FBXL18: variants seen among roughly 807,000 people sequenced by gnomAD.
The protein encoded by FBXL18 is F-box/LRR-repeat protein 18.
Under a neutral mutation model 46.0 loss-of-function variants are expected in FBXL18, and 36 were observed. The observed-to-expected ratio is 0.78, with a 90% CI of 0.60 to 1.03. FBXL18 has a LOEUF of 1.03. Among genes scored for constraint, FBXL18 ranks in the 50% least tolerant of loss-of-function variants. The probability of loss-of-function intolerance (pLI) is 0.00; values close to 1 mark genes in which losing one functional copy is unlikely to be tolerated. For missense variants in FBXL18, 977 were observed against 1,004.1 expected (o/e 0.97, Z 0.36); for synonymous variants, 557 against 465.3 (o/e 1.20, Z -2.54).
intron 3 of FBXL18, chr7:5,495,800 C>T: frequency 2.1e-6 from 1 of 474,562 alleles, no homozygotes; most frequent in Non-Finnish European, 4.4e-6. Flanking sequence ...CCGCAGAAGG[C>T]AGGAATCCAG....
intron 3 of FBXL18, among the ~76,000 whole-genome samples, chr7:5,499,342 TGCTCTCTGAAACGACTGCTCTCTGAACC>T (rs1330130673): frequency 3.3e-4 from 1 of 3,026 alleles, no homozygotes; most frequent in African/African-American, 1.7e-3. Flanking sequence ...CTGAACCGAC[TGCTCTCTGAAACGACTGCTCTCTGAACC>T]GACTGCTCTC....
intron 4 of FBXL18, among the ~76,000 whole-genome samples, chr7:5,456,113 C>T (rs1783169463): frequency 6.6e-6 from 1 of 151,706 alleles, no homozygotes; most frequent in Admixed American, 6.6e-5. Flanking sequence ...CTCCTGCTCC[C>T]ACCTAACGTC....
At chr7:5,486,615 T>G (rs936301238) in intron 4 of FBXL18, among the ~76,000 whole-genome samples, 5 of 151,388 alleles carry the variant, frequency 3.3e-5, no homozygotes, top group African/African-American at 9.7e-5. Flanking sequence ...ATTGCACCAT[T>G]GCACTCCAGC....
chr7:5,481,911 G>T lies in FBXL18; in HGVS notation c.2021C>A (p.Ala674Glu), dbSNP rs199593972. Residue 674 changes from alanine (A) to glutamate (E), a missense_variant, in exon 5 of 5, where the codon GCG becomes GAG. Ala to Glu is a moderately radical substitution (Grantham distance 107). Coordinates refer to ENST00000382368, the MANE Select transcript of FBXL18 (RefSeq NM_024963.6). ...LLRSFQAERP[A>E]LNVVIFPLLH... ...CAGAGGGAAGATGACGACGTTTAAC[G>T]CGGGCCGCTCGGCCTGGAAGCTGAA... 1.2e-6 allele frequency: 2 copies of T among 1,610,070 alleles called. No individual in the cohort carries two copies. Among genetic ancestry groups the T allele is most frequent in the Non-Finnish European group, 1.7e-6 (2 of 1,177,932 alleles).
intron 4 of FBXL18, chr7:5,490,217 A>G: frequency 7.5e-7 from 1 of 1,336,746 alleles, no homozygotes; most frequent in Non-Finnish European, 1.0e-6. Flanking sequence ...CCCCACCTGC[A>G]GGGACACGAA....
chr7:5,480,549 T>TATATATATATATATATATATATATATATA lies in FBXL18; in HGVS notation c.*1225_*1226insTATATATATATATATATATATATATATAT, dbSNP rs1491478537. On this transcript the variant is annotated 3_prime_UTR_variant, in exon 5 of 5. Transcript: ENST00000382368. ...TTGAATATATATATATATATATATA[T>TATATATATATATATATATATATATATATA]TTTTTTTTTTTTTTTTTTTTTTTTT... 1 of 28,652 alleles carries TATATATATATATATATATATATATATATA rather than the reference T, an allele frequency of 3.5e-5. No homozygotes were observed. The highest frequency in any genetic ancestry group is 1.4e-4 in the African/African-American group (1 of 6,942). The allele number at this position is 28,652 out of a possible 1,614,324, so 1.8% of individuals were successfully genotyped here.
Position 5,491,300 on chromosome 7 carries a change from A to G in FBXL18, c.1931T>C (p.Val644Ala), listed in dbSNP as rs757669217. The G allele has an allele frequency of 6.2e-7, 1 of 1,612,848 alleles. No homozygotes were observed. ...CTCCCCGGTGAACAGGTGGCACATG[A>G]CAACCTGCAGGCAGCGAGCCATGAA... is the stretch of plus-strand genomic sequence containing the variant. ...LAFMARCLQVVMCHLFTGESL... is the reference protein window; with the variant it reads ...LAFMARCLQVAMCHLFTGESL... Residue 644 changes from valine to alanine, a missense_variant, in exon 4 of 5, where the codon GTC (valine) becomes GCC (alanine). Val to Ala is a moderately conservative substitution (Grantham distance 64). Coordinates refer to ENST00000382368, the MANE Select transcript of FBXL18 (RefSeq NM_024963.6).
In FBXL18 at chr7:5,464,776, AC is replaced by A. The variant is rs1225057386; in HGVS notation, c.2001-16934del. On this transcript the variant is annotated intron_variant and NMD_transcript_variant, in intron 4 of 6. Coordinates refer to the FBXL18 transcript ENST00000415009. The stretch of plus-strand genomic sequence containing the variant: ...TTTGGATATTAAAAAAAAAAAAACT[AC>A]CAGTGGCTGGGCGTGGTGGCTCACA... Among the ~76,000 whole-genome samples, 3 of 139,870 alleles carry A rather than the reference AC, an allele frequency of 2.1e-5. No individual in the cohort carries two copies. In the Admixed American group the frequency reaches 2.2e-4, roughly 10 times the overall value. The allele number at this position is 139,870 out of a possible 152,430, so 91.8% of individuals were successfully genotyped here.
rs377575680 is a variant in FBXL18, at chr7:5,504,817, G to A, written c.237+595C>T. On this transcript the variant is annotated intron_variant, in intron 2 of 4. Transcript: ENST00000382368. ...TGTAGTCCCAGGTACTCGGGAGGCT[G>A]AGGCAGGAGAATGGTGTGAACCCGG... Among the ~76,000 whole-genome samples, 13 of 147,308 alleles carry A rather than the reference G, an allele frequency of 8.8e-5. No individual in the cohort carries two copies. The East Asian group carries it at 2.5e-3, about 28-fold the overall frequency.
chr7:5,503,793 C>T (rs551983222), intron 2 of FBXL18, among the ~76,000 whole-genome samples: 10 of 151,850 alleles, frequency 6.6e-5, no homozygotes, highest in African/African-American at 2.4e-4. Flanking sequence ...ATGGTGAAAC[C>T]TCGTCTCTAC....
At chr7:5,460,607 C>G (rs952954157) in intron 4 of FBXL18, among the ~76,000 whole-genome samples, 2 of 152,346 alleles carry the variant, frequency 1.3e-5, no homozygotes, top group African/African-American at 4.8e-5. Flanking sequence ...GCATGTGCCA[C>G]GACACCAGCT....
rs922876057 is a variant in FBXL18 at position 5,513,798 on chromosome 7, C to T, written c.-124G>A. On this transcript the variant is annotated 5_prime_UTR_variant, in exon 1 of 5. Coordinates refer to ENST00000382368, the MANE Select transcript of FBXL18 (RefSeq NM_024963.6). ...CCGAGACCCCGGCAAGGAGCGGGCT[C>T]TCGTCACTTCCGGCGCCCGCCTACA... 133 of 1,363,518 alleles carry T rather than the reference C, an allele frequency of 9.8e-5. 2 individuals carry two copies. In the East Asian group the frequency reaches 2.8e-3, roughly 28 times the overall value. 84.5% of individuals were successfully genotyped at this position (1,363,518 alleles called of 1,614,324 possible).
chr7:5,463,156 G>T (rs939315576), intron 4 of FBXL18, among the ~76,000 whole-genome samples: 2 of 150,882 alleles, frequency 1.3e-5, no homozygotes, highest in Non-Finnish European at 3.0e-5. Context: ...AACAGCAAGT[G>T]TTGGCAAGCA....
chr7:5,487,799 G>T (rs1783812242), intron 4 of FBXL18, among the ~76,000 whole-genome samples: 1 of 152,104 alleles, frequency 6.6e-6, no homozygotes, highest in African/African-American at 2.4e-5. Flanking sequence ...CCACTCGGTT[G>T]GCAGCAAGTG....
intron 1 of FBXL18, among the ~76,000 whole-genome samples, chr7:5,508,282 G>A (rs1376808544): frequency 3.5e-5 from 5 of 144,660 alleles, no homozygotes; most frequent in African/African-American, 5.1e-5. Flanking sequence ...AAAAAAGAAA[G>A]AAAAAAATAC....
At chr7:5,504,639 G>A (rs1213571845) in intron 2 of FBXL18, among the ~76,000 whole-genome samples, 2 of 147,690 alleles carry the variant, frequency 1.4e-5, no homozygotes, top group Non-Finnish European at 3.0e-5. Flanking sequence ...TACCAGGCCG[G>A]GTGTGGTGGT....
chr7:5,493,950 A>C (rs1369171109), intron 3 of FBXL18, among the ~76,000 whole-genome samples: 1 of 151,690 alleles, frequency 6.6e-6, no homozygotes, highest in Non-Finnish European at 1.5e-5. Flanking sequence ...CCAACATGGC[A>C]AAACCCTGTC....
chr7:5,460,691 G>C (rs1184179887), intron 4 of FBXL18, among the ~76,000 whole-genome samples: 1 of 152,170 alleles, frequency 6.6e-6, no homozygotes, highest in Non-Finnish European at 1.5e-5. Flanking sequence ...GACCCCAAGC[G>C]ATCTGCCCAC....
At chr7:5,483,262 G>T (rs1037802173) in intron 4 of FBXL18, among the ~76,000 whole-genome samples, 2 of 151,734 alleles carry the variant, frequency 1.3e-5, no homozygotes, top group Non-Finnish European at 1.5e-5. Flanking sequence ...CCAACATGGT[G>T]AAACCCCGTC....
Sources: gnomAD v4.1 joint callset for allele counts (sites outside exome capture counted in the v4.1 genomes callset) on GRCh38, gnomAD v4.1.1 for gene constraint, MANE v1.5 for transcripts, NCBI Gene and HGNC (gene_info 2026-07-23, HGNC 2026-07-21) for gene names.